The following FAM151B variants were observed in gnomAD, a reference collection of about 807,000 sequenced individuals.
The protein encoded by FAM151B is family with sequence similarity 151 member B.
Under a neutral mutation model 31.2 loss-of-function variants are expected in FAM151B, and 24 were observed. The ratio of observed to expected loss-of-function variants is 0.77; its 90% CI spans 0.56 to 1.08. The LOEUF (loss-of-function observed/expected upper bound fraction) is 1.08. Among genes scored for constraint, FAM151B ranks in the 50% least tolerant of loss-of-function variants. FAM151B has a pLI of 0.00. For missense variants in FAM151B, 293 were observed against 328.6 expected (o/e 0.89, Z 0.84); for synonymous variants, 105 against 111.4 (o/e 0.94, Z 0.36).
At chr5:80,496,167 C>G (rs1439828376) in intron 1 of FAM151B, among the ~76,000 whole-genome samples, 1 of 152,164 alleles carries the variant, frequency 6.6e-6, no homozygotes, top group African/African-American at 2.4e-5. Flanking sequence ...ACAGAGAGAT[C>G]TTTCATGAAA....
At chr5:80,505,226 CCTGG>C (rs1743907698) in intron 2 of FAM151B, among the ~76,000 whole-genome samples, 1 of 152,174 alleles carries the variant, frequency 6.6e-6, no homozygotes, top group Non-Finnish European at 1.5e-5. Flanking sequence ...GTCCCAAACT[CCTGG>C]CTGCAAGCAG....
intron 2 of FAM151B, among the ~76,000 whole-genome samples, chr5:80,504,940 C>T (rs1275371598): frequency 6.6e-6 from 1 of 152,156 alleles, no homozygotes; most frequent in Admixed American, 6.5e-5. Context: ...TTCACTTGCC[C>T]TGTTGTCCTT....
At chr5:80,503,808 A>T (rs978922700) in intron 2 of FAM151B, among the ~76,000 whole-genome samples, 1 of 152,132 alleles carries the variant, frequency 6.6e-6, no homozygotes, top group Admixed American at 6.5e-5. Context: ...GGCCATGGTC[A>T]CAAGCTGGAG....
chr5:80,515,127 C>A (rs1370842838), intron 3 of FAM151B, among the ~76,000 whole-genome samples: 1 of 152,012 alleles, frequency 6.6e-6, no homozygotes, highest in Admixed American at 6.6e-5. Flanking sequence ...TGTAATTCAG[C>A]TACTCGGGAG....
At chr5:80,507,089 A>G (rs1743993300) in intron 2 of FAM151B, among the ~76,000 whole-genome samples, 1 of 148,890 alleles carries the variant, frequency 6.7e-6, no homozygotes, top group African/African-American at 2.5e-5. Context: ...ACTGCACTCC[A>G]GCCTGGGTAA....
At chr5:80,488,169 C>G (rs1333272872) in intron 1 of FAM151B, 21 bp downstream of exon 1, 1 of 1,540,198 alleles carries the variant, frequency 6.5e-7, no homozygotes, top group Non-Finnish European at 8.7e-7. Flanking sequence ...AGCGCGCGGC[C>G]TCTGCCTGGA....
At chr5:80,518,143 A>G (rs1478091203) in intron 3 of FAM151B, among the ~76,000 whole-genome samples, 2 of 151,942 alleles carry the variant, frequency 1.3e-5, no homozygotes, top group Non-Finnish European at 2.9e-5. Flanking sequence ...CACTCACTCT[A>G]TGTCAACTTA....
chr5:80,532,021 A>T (rs1455910329), intron 5 of FAM151B, among the ~76,000 whole-genome samples: 1 of 151,544 alleles, frequency 6.6e-6, no homozygotes, highest in African/African-American at 2.4e-5. Flanking sequence ...GATTAAGAAA[A>T]TGTGGCACAT....
chr5:80,519,224 G>T (rs1002578987), intron 3 of FAM151B, among the ~76,000 whole-genome samples: 1 of 152,170 alleles, frequency 6.6e-6, no homozygotes, highest in Non-Finnish European at 1.5e-5. Context: ...ATAAGGGAAA[G>T]AAGCTACTTT....
intron 1 of FAM151B, chr5:80,500,331 C>A: frequency 1.2e-6 from 1 of 863,512 alleles, no homozygotes; most frequent in Non-Finnish European, 1.9e-6. Context: ...CCGGCTGGAA[C>A]CATGGAGGGT....
Position 80,522,051 on chromosome 5 carries a change from T to C in FAM151B, c.584T>C (p.Leu195Pro). 2 of 1,612,438 alleles carry C rather than the reference T, an allele frequency of 1.2e-6. No homozygotes were observed. The highest frequency in any genetic ancestry group is 1.7e-6 in the Non-Finnish European group (2 of 1,178,740). Residue 195 changes from leucine to proline, a missense_variant, in exon 5 of 6, where the codon CTA (leucine) becomes CCA (proline). By Grantham distance (98) the Leu-to-Pro change is moderately conservative. Transcript: ENST00000282226. ...VKEMEYICNE[L>P]SQPVTFPVRA... Reference sequence around the variant, plus strand: ...GAGATGGAATATATATGTAATGAACTAAGTCAGCCTGTAACGTTCCCTGTC... The same window carrying C: ...GAGATGGAATATATATGTAATGAACCAAGTCAGCCTGTAACGTTCCCTGTC...
chr5:80,519,811 G>A lies in FAM151B; in HGVS notation c.436G>A (p.Asp146Asn). The change falls in exon 4 of 6, where the codon GAT becomes AAT. Residue 146 changes from aspartate to asparagine, a missense_variant. Asp to Asn is a conservative substitution (Grantham distance 23, BLOSUM62 1). Coordinates refer to ENST00000282226, the MANE Select transcript of FAM151B (RefSeq NM_205548.3). The stretch of plus-strand genomic sequence containing the variant: ...TCCAAATGGAAATAGCAAAGTAATA[G>A]ATGCAAAACCATTTTTAGACACCGT... ...PGPNGNSKVI[D>N]AKPFLDTVIS... is the part of the protein sequence containing the mutation. 6.2e-7 allele frequency: 1 copy of A among 1,614,124 alleles called. No individual in the cohort carries two copies.
intron 2 of FAM151B, among the ~76,000 whole-genome samples, chr5:80,505,504 C>T (rs1336974980): frequency 6.6e-6 from 1 of 151,790 alleles, no homozygotes; most frequent in African/African-American, 2.4e-5. Flanking sequence ...ACACCATTCT[C>T]CTGCCTCAGC....
At chr5:80,538,468 T>TCTCTCTCTC (rs1561383757) in intron 5 of FAM151B, among the ~76,000 whole-genome samples, 14 of 115,322 alleles carry the variant, frequency 1.2e-4, no homozygotes, top group African/African-American at 5.0e-4. Context: ...CTTTCTTTCT[T>TCTCTCTCTC]TCTTTCTTTC....
At chr5:80,541,623 A>T in intron 5 of FAM151B, 50 bp from the exon 6 acceptor site, 2 of 1,565,680 alleles carry the variant, frequency 1.3e-6, no homozygotes, top group Non-Finnish European at 1.7e-6. Context: ...GGAATGACTC[A>T]TCGCTTTCTT....
intron 1 of FAM151B, chr5:80,499,843 TTC>T (rs1218728588): frequency 6.6e-6 from 1 of 151,772 alleles, no homozygotes; most frequent in Non-Finnish European, 1.5e-5. Context: ...ATCTTGTCTG[TTC>T]TTTGTTAATT....
At chr5:80,490,019 TAC>T (rs71601587) in intron 1 of FAM151B, among the ~76,000 whole-genome samples, 8,970 of 144,626 alleles carry the variant, frequency 0.062, 342 homozygotes, top group South Asian at 0.11. Context: ...TTTTCCCCCT[TAC>T]ACACACACAC....
At chr5:80,532,715 C>T (rs572260459) in intron 5 of FAM151B, among the ~76,000 whole-genome samples, 47 of 152,182 alleles carry the variant, frequency 3.1e-4, no homozygotes, top group Non-Finnish European at 5.7e-4. Context: ...TTTCTCAACA[C>T]ATGGATCATT....
At chr5:80,500,680 C>T in intron 1 of FAM151B, 3 of 783,920 alleles carry the variant, frequency 3.8e-6, no homozygotes, top group East Asian at 2.4e-5. Context: ...TTCATCAAAT[C>T]TTCAGTGGAA....
Sources: gnomAD v4.1 joint callset for allele counts (sites outside exome capture counted in the v4.1 genomes callset) on GRCh38, gnomAD v4.1.1 for gene constraint, MANE v1.5 for transcripts, NCBI Gene and HGNC (gene_info 2026-07-23, HGNC 2026-07-21) for gene names.